The following ASTN2 variants were observed in gnomAD, a reference collection of about 807,000 sequenced individuals.
ASTN2 encodes astrotactin-2.
Under a neutral mutation model 139.8 loss-of-function variants are expected in ASTN2, and 54 were observed. The observed-to-expected ratio is 0.39, with a 90% CI of 0.31 to 0.48. ASTN2 has a LOEUF of 0.48. Ranked by LOEUF, ASTN2 falls within the 20% of genes least tolerant of loss-of-function variation. ASTN2 has a pLI of 0.95. For missense variants in ASTN2, 1,565 were observed against 1,725.1 expected (o/e 0.91, Z 1.64); for synonymous variants, 756 against 719.5 (o/e 1.05, Z -0.81).
chr9:116,620,241 G>A lies in ASTN2; in HGVS notation c.3206+69C>T, dbSNP rs978295134. On this transcript the variant is annotated intron_variant, in intron 18 of 22. Transcript: ENST00000313400. ...GGGAGCAGAAGCAAGTCATGGCATGGGCTGGCAGGACAGGAGTGTGAGTCC... is the reference window on the plus strand; with the variant it reads ...GGGAGCAGAAGCAAGTCATGGCATGAGCTGGCAGGACAGGAGTGTGAGTCC... 2.2e-5 allele frequency: 35 copies of A among 1,606,462 alleles called. No individual in the cohort carries two copies. The South Asian group carries it at 2.3e-4, about 11-fold the overall frequency.
At chr9:117,117,872 T>C (rs4838218) in intron 4 of ASTN2, among the ~76,000 whole-genome samples, 151,200 of 152,264 alleles carry the variant, frequency 0.99, 75,084 homozygotes, top group Middle Eastern at 1. Context: ...ATTCCCAGGG[T>C]GAACTTCGCA....
At chr9:117,215,491 T>C (rs1832287830) in intron 2 of ASTN2, among the ~76,000 whole-genome samples, 1 of 149,640 alleles carries the variant, frequency 6.7e-6, no homozygotes, top group African/African-American at 2.4e-5. Context: ...ATAATGTGTA[T>C]ATATATACAT....
chr9:116,608,031 C>G (rs188781074), intron 19 of ASTN2, among the ~76,000 whole-genome samples: 1 of 152,230 alleles, frequency 6.6e-6, no homozygotes, highest in African/African-American at 2.4e-5. Flanking sequence ...GTACAGAGAT[C>G]CTGAAAGATG....
chr9:117,405,156 G>A lies in ASTN2; in HGVS notation c.442+9341C>T, dbSNP rs546842187. Among the ~76,000 whole-genome samples, 24 of 152,298 alleles carry A rather than the reference G, an allele frequency of 1.6e-4. No homozygotes were observed. The South Asian group carries it at 1.7e-3, about 11-fold the overall frequency. On this transcript the variant is annotated intron_variant, in intron 1 of 22. Coordinates refer to ENST00000313400, the MANE Select transcript of ASTN2 (RefSeq NM_001365068.1). ...CACCTGAAGTTCCTATATAAGAAAC[G>A]CCTGCAGCTTCTTGGTCATGAGAAG...
chr9:116,866,452 T>C (rs545080789), intron 10 of ASTN2, among the ~76,000 whole-genome samples: 1 of 152,268 alleles, frequency 6.6e-6, no homozygotes, highest in African/African-American at 2.4e-5. Context: ...GACAGGTTTA[T>C]GGGAGGAAAG....
At chr9:116,802,022 G>A (rs956490046) in intron 13 of ASTN2, among the ~76,000 whole-genome samples, 9 of 151,180 alleles carry the variant, frequency 6.0e-5, no homozygotes, top group Admixed American at 3.9e-4. Context: ...CTAAAATTGT[G>A]TCTGGGACTG....
rs534435048 is a variant in ASTN2 at position 116,756,087 on chromosome 9, T to C, written c.2397-22564A>G. Reference sequence around the variant, plus strand: ...TGTTACAGTAGCCATGTAAAACTAATGGATGTGCTTTTTCAGATAAATATT... The same window carrying C: ...TGTTACAGTAGCCATGTAAAACTAACGGATGTGCTTTTTCAGATAAATATT... On this transcript the variant is annotated intron_variant, in intron 13 of 22. Coordinates refer to ENST00000313400, the MANE Select transcript of ASTN2 (RefSeq NM_001365068.1). Among the ~76,000 whole-genome samples the C allele has an allele frequency of 3.0e-4, 45 of 152,342 alleles. 1 individual carries two copies. The highest frequency in any genetic ancestry group is 1.4e-3 in the South Asian group (7 of 4,830).
intron 5 of ASTN2, among the ~76,000 whole-genome samples, chr9:117,085,611 G>A (rs1231186426): frequency 1.3e-5 from 2 of 152,176 alleles, no homozygotes; most frequent in Non-Finnish European, 2.9e-5. Flanking sequence ...TACGGATGCT[G>A]CCTTTTGTCC....
chr9:116,780,238 T>C (rs554160475), intron 13 of ASTN2, among the ~76,000 whole-genome samples: 1 of 152,264 alleles, frequency 6.6e-6, no homozygotes, highest in African/African-American at 2.4e-5. Flanking sequence ...AACAGGAGGT[T>C]GAAAAGAAAA....
Position 116,698,258 on chromosome 9 carries a change from T to G in ASTN2, c.2806+27513A>C, listed in dbSNP as rs753234105. The stretch of plus-strand genomic sequence containing the variant: ...AGCGGCGGAAGGCAGCCTTGGAAGG[T>G]GTCTCCAAGGACCTTCAGGCAAGGT... On this transcript the variant is annotated intron_variant, in intron 16 of 22. Coordinates refer to ENST00000313400, the MANE Select transcript of ASTN2 (RefSeq NM_001365068.1). This position sits in a 1 kb window ranked among gnomAD's most constrained non-coding sequence, Gnocchi z 4.4. 5.0e-6 allele frequency: 8 copies of G among 1,614,072 alleles called. No individual in the cohort carries two copies. The highest frequency in any genetic ancestry group is 6.8e-6 in the Non-Finnish European group (8 of 1,180,006).
At chr9:117,223,355 C>G (rs1832592309) in intron 2 of ASTN2, among the ~76,000 whole-genome samples, 1 of 152,130 alleles carries the variant, frequency 6.6e-6, no homozygotes, top group Non-Finnish European at 1.5e-5. Context: ...CTCGCATACA[C>G]AGGACAGCCA....
intron 1 of ASTN2, among the ~76,000 whole-genome samples, chr9:117,382,892 C>T (rs768003055): frequency 1.3e-5 from 2 of 152,026 alleles, no homozygotes; most frequent in African/African-American, 2.4e-5. Flanking sequence ...AGATGACTCT[C>T]AAAAATATTA....
At chr9:117,347,641 T>C (rs1194133160) in intron 1 of ASTN2, among the ~76,000 whole-genome samples, 3 of 152,172 alleles carry the variant, frequency 2.0e-5, no homozygotes, top group African/African-American at 7.2e-5. Flanking sequence ...TGTAGAAATA[T>C]AAATATAAAG....
At chr9:116,568,499 GCAGA>G (rs1176512648) in intron 19 of ASTN2, 1 of 152,156 alleles carries the variant, frequency 6.6e-6, no homozygotes. Context: ...CCAAATCTCA[GCAGA>G]CAGAGCTACG....
At chr9:116,821,354 G>A (rs1831479071) in intron 11 of ASTN2, among the ~76,000 whole-genome samples, 2 of 152,122 alleles carry the variant, frequency 1.3e-5, no homozygotes, top group African/African-American at 4.8e-5. Context: ...AGCTTAAGTT[G>A]GATCATGGGG....
chr9:116,760,166 C>G (rs10759854), intron 13 of ASTN2, among the ~76,000 whole-genome samples: 1 of 151,998 alleles, frequency 6.6e-6, no homozygotes, highest in African/African-American at 2.4e-5. Context: ...CCAGGTAGAA[C>G]ATCCCAGGTG....
In ASTN2 at chr9:116,877,869, C is replaced by A. The variant is rs559391208; in HGVS notation, c.1890-14136G>T. On this transcript the variant is annotated intron_variant, in intron 10 of 22. Transcript: ENST00000313400. ...CTTAAACACATTTACAAGAAAAGAACAAACAATCCCATTAAAAAGTAGGCA... is the reference window on the plus strand; with the variant it reads ...CTTAAACACATTTACAAGAAAAGAAAAAACAATCCCATTAAAAAGTAGGCA... 8.0e-4 allele frequency among the ~76,000 whole-genome samples: 122 copies of A among 152,134 alleles called. No homozygotes were observed. In the South Asian group the frequency reaches 0.024, roughly 31 times the overall value.
intron 7 of ASTN2, among the ~76,000 whole-genome samples, chr9:117,000,175 AT>A (rs1350310784): frequency 1.3e-5 from 2 of 152,108 alleles, no homozygotes; most frequent in Non-Finnish European, 2.9e-5. Context: ...TTTAAATTTT[AT>A]TTTTCATCTC....
At chr9:117,297,794 C>A (rs569436294) in intron 1 of ASTN2, among the ~76,000 whole-genome samples, 1 of 152,314 alleles carries the variant, frequency 6.6e-6, no homozygotes, top group Non-Finnish European at 1.5e-5. Flanking sequence ...CCAGCCACTG[C>A]CAATGCACAA....
Sources: allele counts gnomAD v4.1 joint callset (sites outside exome capture counted in the v4.1 genomes callset), GRCh38; gene constraint gnomAD v4.1.1; non-coding constraint Gnocchi (gnomAD v3.1); transcripts MANE v1.5; gene names NCBI Gene and HGNC (gene_info 2026-07-23, HGNC 2026-07-21).